ST3GAL1: variants seen among roughly 807,000 people sequenced by gnomAD.
ST3GAL1 encodes CMP-N-acetylneuraminate-beta-galactosamide-alpha-2,3-sialyltransferase 1.
In ST3GAL1, 16 loss-of-function variants were observed where a neutral mutation model predicts 34.1. That is an observed-to-expected ratio of 0.47 (90% confidence interval 0.32 to 0.71). The LOEUF (loss-of-function observed/expected upper bound fraction) is 0.71. ST3GAL1 is among the 30% of genes least tolerant of loss of function. The pLI is 0.04. For missense variants in ST3GAL1, 353 were observed against 447.4 expected, an observed-to-expected ratio of 0.79 and a Z score of 1.90; for synonymous variants, 191 against 184.7, an observed-to-expected ratio of 1.03 and a Z score of -0.28.
intron 2 of ST3GAL1, among the ~76,000 whole-genome samples, chr8:133,533,738 C>G (rs955171752): frequency 1.3e-5 from 2 of 152,208 alleles, no homozygotes; most frequent in African/African-American, 4.8e-5. Flanking sequence ...AATTTCACAG[C>G]AAAGTCACAA....
Position 133,541,447 on chromosome 8 carries a change from C to T in ST3GAL1, c.-429+4327G>A, listed in dbSNP as rs148333140. Among the ~76,000 whole-genome samples the T allele has an allele frequency of 1.4e-3, 214 of 152,188 alleles. 2 individuals carry two copies. The highest frequency in any genetic ancestry group is 4.8e-3 in the African/African-American group (200 of 41,526). On this transcript the variant is annotated intron_variant, in intron 2 of 9. Coordinates refer to ENST00000522652, the MANE Select transcript of ST3GAL1 (RefSeq NM_173344.3). ...AACCTGATCAAGGTCTTCACAAGGACAGGACAGCAGTCCTGCATCCCCCAC... is the reference window on the plus strand; with the variant it reads ...AACCTGATCAAGGTCTTCACAAGGATAGGACAGCAGTCCTGCATCCCCCAC...
intron 2 of ST3GAL1, among the ~76,000 whole-genome samples, chr8:133,516,013 C>T (rs1465378736): frequency 6.6e-6 from 1 of 152,012 alleles, no homozygotes; most frequent in South Asian, 2.1e-4. Flanking sequence ...TATCACCATG[C>T]CTGGCTAATT....
At chr8:133,563,058 G>A (rs1488722266) in intron 1 of ST3GAL1, among the ~76,000 whole-genome samples, 1 of 151,988 alleles carries the variant, frequency 6.6e-6, no homozygotes, top group Non-Finnish European at 1.5e-5. Flanking sequence ...AGAGCTCTCT[G>A]CTAAGTAAAT....
At chr8:133,562,347 CT>C in intron 1 of ST3GAL1, among the ~76,000 whole-genome samples, 1 of 151,940 alleles carries the variant, frequency 6.6e-6, no homozygotes, top group Middle Eastern at 3.4e-3. Flanking sequence ...GTAGCTGGGA[CT>C]ACAGGCACAC....
intron 7 of ST3GAL1, 71 bp from the exon 8 acceptor site, chr8:133,463,530 G>T (rs1454435783): frequency 1.3e-6 from 2 of 1,522,690 alleles, no homozygotes; most frequent in African/African-American, 1.4e-5. Flanking sequence ...ATGCAGCTCT[G>T]GGGGTAGTGG....
At chr8:133,528,388 C>T (rs898410230) in intron 2 of ST3GAL1, among the ~76,000 whole-genome samples, 5 of 152,200 alleles carry the variant, frequency 3.3e-5, no homozygotes, top group African/African-American at 1.2e-4. Flanking sequence ...CATGCCTGTC[C>T]TGTGTCAGGC....
Position 133,455,814 on chromosome 8 carries a change from C to G in ST3GAL1, c.*3950G>C, listed in dbSNP as rs1815274948. ...AGAGAGTTATCTTGGTTTCCTTTCA[C>G]TTGTTTTCGGGCTGCTTCAAAGCAA... On this transcript the variant is annotated 3_prime_UTR_variant, in exon 10 of 10. Transcript: ENST00000522652. 6.6e-6 allele frequency: 1 copy of G among 151,928 alleles called. No homozygotes were observed. Among genetic ancestry groups the G allele is most frequent in the Non-Finnish European group, 1.5e-5 (1 of 67,984 alleles). The allele number at this position is 151,928 out of a possible 1,614,324, so 9.4% of individuals were successfully genotyped here.
intron 2 of ST3GAL1, among the ~76,000 whole-genome samples, chr8:133,533,672 C>T (rs971784664): frequency 2.0e-5 from 3 of 152,212 alleles, no homozygotes; most frequent in Admixed American, 6.5e-5. Flanking sequence ...GTCCCAGCCT[C>T]AATAGGGATC....
At chr8:133,515,132 T>C (rs1014693421) in intron 2 of ST3GAL1, among the ~76,000 whole-genome samples, 1 of 152,206 alleles carries the variant, frequency 6.6e-6, no homozygotes, top group Admixed American at 6.5e-5. Flanking sequence ...GTCCTGGCCT[T>C]AGTGGAAAGG....
At chr8:133,465,102 T>C (rs1815686202) in intron 6 of ST3GAL1, 145 bp from the exon 7 acceptor site, 1 of 750,952 alleles carries the variant, frequency 1.3e-6, no homozygotes, top group Non-Finnish European at 2.1e-6. Flanking sequence ...ATCTGTAAAA[T>C]AGAGACAATG....
intron 2 of ST3GAL1, among the ~76,000 whole-genome samples, chr8:133,502,577 A>G (rs1175671551): frequency 2.0e-5 from 3 of 152,236 alleles, no homozygotes; most frequent in African/African-American, 7.2e-5. Context: ...TTGGGCTTCC[A>G]GCTTCCAGAT....
intron 2 of ST3GAL1, among the ~76,000 whole-genome samples, chr8:133,513,674 T>A (rs1373722145): frequency 6.6e-6 from 1 of 152,016 alleles, no homozygotes; most frequent in Non-Finnish European, 1.5e-5. Flanking sequence ...GGCGGGCGGA[T>A]CACAAGGTCA....
At chr8:133,504,055 C>T (rs549365582) in intron 2 of ST3GAL1, among the ~76,000 whole-genome samples, 1 of 152,252 alleles carries the variant, frequency 6.6e-6, no homozygotes, top group South Asian at 2.1e-4. Context: ...CACTGGGTTC[C>T]TGTGAAGGCT....
chr8:133,480,398 G>C (rs1317628311), intron 3 of ST3GAL1, among the ~76,000 whole-genome samples: 1 of 152,160 alleles, frequency 6.6e-6, no homozygotes, highest in Non-Finnish European at 1.5e-5. Flanking sequence ...GAACCACACG[G>C]GGTTTTGAAC....
chr8:133,552,709 C>T (rs560494784), intron 1 of ST3GAL1, among the ~76,000 whole-genome samples: 1 of 152,318 alleles, frequency 6.6e-6, no homozygotes, highest in South Asian at 2.1e-4. Context: ...TAACCTCTCT[C>T]TCTGAAATGG....
At chr8:133,551,618 G>T (rs891226071) in intron 1 of ST3GAL1, among the ~76,000 whole-genome samples, 1 of 144,280 alleles carries the variant, frequency 6.9e-6, no homozygotes, top group African/African-American at 2.5e-5. Context: ...AAGAAAGAAA[G>T]AGCGAGCAAG....
chr8:133,566,409 T>C (rs1053813229), intron 1 of ST3GAL1, among the ~76,000 whole-genome samples: 5 of 152,190 alleles, frequency 3.3e-5, no homozygotes, highest in African/African-American at 7.2e-5. Flanking sequence ...TCTTGAGGAA[T>C]GCGATCACTT....
chr8:133,535,768 C>T (rs1395252306), intron 2 of ST3GAL1, among the ~76,000 whole-genome samples: 1 of 152,020 alleles, frequency 6.6e-6, no homozygotes, highest in Non-Finnish European at 1.5e-5. Context: ...GGAGCATAAG[C>T]CAGCATGGCT....
rs139592834 is a variant in ST3GAL1 at position 133,532,283 on chromosome 8, C to A, written c.-429+13491G>T. ...GGTCAGGAGTTCGAGACCAGCCTGG[C>A]CAACATGGTGAAACCCCATCTCTAC... On this transcript the variant is annotated intron_variant, in intron 2 of 9. Coordinates refer to ENST00000522652, the MANE Select transcript of ST3GAL1 (RefSeq NM_173344.3). 4.3e-3 allele frequency among the ~76,000 whole-genome samples: 660 copies of A among 152,144 alleles called. 2 individuals are homozygous for A. Among genetic ancestry groups the A allele is most frequent in the African/African-American group, 0.015 (619 of 41,506 alleles).
Sources: allele counts gnomAD v4.1 joint callset (sites outside exome capture counted in the v4.1 genomes callset), GRCh38; gene constraint gnomAD v4.1.1; transcripts MANE v1.5; gene names NCBI Gene and HGNC (gene_info 2026-07-23, HGNC 2026-07-21).